INPP4B: variants seen among roughly 807,000 people sequenced by gnomAD.
INPP4B encodes inositol polyphosphate-4-phosphatase type II B.
INPP4B carries 55 observed loss-of-function variants against 122.5 expected under a neutral mutation model. That is an observed-to-expected ratio of 0.45 (90% confidence interval 0.36 to 0.56). The LOEUF is 0.56. Ranked by LOEUF, INPP4B falls within the 20% of genes least tolerant of loss-of-function variation. The pLI, the probability that INPP4B is intolerant of heterozygous loss-of-function variation, is 0.00. For missense variants in INPP4B, 1,000 were observed against 1,097.7 expected (o/e 0.91, Z 1.26); for synonymous variants, 403 against 388.7 (o/e 1.04, Z -0.43).
At chr4:142,579,322 G>A (rs2150192416) in intron 2 of INPP4B, among the ~76,000 whole-genome samples, 1 of 152,106 alleles carries the variant, frequency 6.6e-6, no homozygotes, top group African/African-American at 2.4e-5. Flanking sequence ...GCCTTTCAGA[G>A]TTAGAAATAT....
intron 14 of INPP4B, among the ~76,000 whole-genome samples, chr4:142,201,008 T>C (rs1840391218): frequency 6.6e-6 from 1 of 152,076 alleles, no homozygotes; most frequent in Admixed American, 6.6e-5. Context: ...GCATTCTGAT[T>C]CTAACCACTC....
At chr4:142,465,169 T>C (rs36011683) in intron 2 of INPP4B, among the ~76,000 whole-genome samples, 1 of 152,286 alleles carries the variant, frequency 6.6e-6, no homozygotes, top group Middle Eastern at 3.4e-3. Flanking sequence ...TGGATAACTG[T>C]GCAAGTCTAA....
At chr4:142,197,913 C>T (rs1839024521) in intron 14 of INPP4B, among the ~76,000 whole-genome samples, 1 of 152,034 alleles carries the variant, frequency 6.6e-6, no homozygotes, top group Admixed American at 6.6e-5. Context: ...ATTCACTAAA[C>T]AAAAAAACTT....
At chr4:142,267,944 T>G (rs1047743955) in intron 10 of INPP4B, among the ~76,000 whole-genome samples, 1 of 151,996 alleles carries the variant, frequency 6.6e-6, no homozygotes, top group Non-Finnish European at 1.5e-5. Flanking sequence ...TATTAAAAAA[T>G]GCTCATCATT....
intron 2 of INPP4B, among the ~76,000 whole-genome samples, chr4:142,477,639 A>G (rs1372373252): frequency 1.3e-5 from 2 of 152,112 alleles, no homozygotes; most frequent in Non-Finnish European, 2.9e-5. Flanking sequence ...CTCAGAGAAT[A>G]CTATGAAAAA....
At position 142,270,729 on chromosome 4, in the gene INPP4B, G is replaced by C. The variant is rs773102037; in HGVS notation, c.549C>G (p.Val183=). 3 of 1,613,750 alleles carry C rather than the reference G, an allele frequency of 1.9e-6. 1 individual carries two copies. The Admixed American group carries it at 5.0e-5, about 27-fold the overall frequency. The part of the protein sequence containing the change: ...GKVVGTIEVS[V]VKMGEIEDGE... The stretch of plus-strand genomic sequence containing the variant: ...CATCCTCAATCTCCCCCATCTTCAC[G>C]ACACTGACTTCTATGGTGCCAACCA... Residue 183 remains valine, a synonymous_variant, in exon 10 of 26, where the codon GTC becomes GTG. Coordinates refer to ENST00000262992, the MANE Select transcript of INPP4B (RefSeq NM_001101669.3).
chr4:142,726,918 C>G (rs1441158019), intron 1 of INPP4B, among the ~76,000 whole-genome samples: 1 of 152,052 alleles, frequency 6.6e-6, no homozygotes, highest in African/African-American at 2.4e-5. Context: ...AGCATAGTAC[C>G]AAGCTAAGCA....
chr4:142,726,866 C>T (rs1243697801), intron 1 of INPP4B, among the ~76,000 whole-genome samples: 1 of 151,992 alleles, frequency 6.6e-6, no homozygotes, highest in African/African-American at 2.4e-5. Flanking sequence ...TTTCCTATCC[C>T]CCATGGAGGT....
In INPP4B at chr4:142,725,864, A is replaced by G. The variant is rs1765284006; in HGVS notation, c.-216T>C. On this transcript the variant is annotated 5_prime_UTR_variant, in exon 2 of 26. Coordinates refer to ENST00000262992, the MANE Select transcript of INPP4B (RefSeq NM_001101669.3). ...CTTTGTCTAATTTTTCATAAAAGAC[A>G]GAAGACCTCTTGCCAGGTAACACCA... 2.5e-6 allele frequency: 1 copy of G among 397,982 alleles called. No individual in the cohort carries two copies. The highest frequency in any genetic ancestry group is 4.4e-6 in the Non-Finnish European group (1 of 225,730). 24.7% of individuals were successfully genotyped at this position (397,982 alleles called of 1,614,324 possible).
upstream of INPP4B, chr4:142,846,306 A>G (rs1024498411): frequency 1.3e-5 from 2 of 152,458 alleles, no homozygotes; most frequent in Admixed American, 1.3e-4. The surrounding 1 kb of genome is among the most constrained non-coding windows in gnomAD (Gnocchi z 5.1). Flanking sequence ...GTGCGCGCCC[A>G]GGAGGAGCTG....
intron 2 of INPP4B, among the ~76,000 whole-genome samples, chr4:142,591,659 GACAA>G (rs1737529309): frequency 6.6e-6 from 1 of 152,090 alleles, no homozygotes; most frequent in Non-Finnish European, 1.5e-5. Flanking sequence ...GGGAGGTCCT[GACAA>G]ACACTGTCTT....
intron 14 of INPP4B, among the ~76,000 whole-genome samples, chr4:142,203,712 C>A (rs904024352): frequency 1.6e-4 from 25 of 152,036 alleles, no homozygotes; most frequent in Admixed American, 1.5e-3. Context: ...TGCTCAGTTA[C>A]TTATTTCAAG....
chr4:142,754,582 A>G (rs1770221433), intron 1 of INPP4B, among the ~76,000 whole-genome samples: 1 of 151,916 alleles, frequency 6.6e-6, no homozygotes, highest in Admixed American at 6.6e-5. Context: ...ATTCTTTCCC[A>G]AATCAAAAAA....
chr4:142,799,476 T>G (rs1003525002), intron 1 of INPP4B, among the ~76,000 whole-genome samples: 1 of 151,944 alleles, frequency 6.6e-6, no homozygotes, highest in Admixed American at 6.6e-5. Context: ...ACAGCTAATA[T>G]TTTGCATTCT....
chr4:142,302,672 A>T (rs889681246), intron 9 of INPP4B, among the ~76,000 whole-genome samples: 1 of 152,170 alleles, frequency 6.6e-6, no homozygotes, highest in Non-Finnish European at 1.5e-5. Context: ...TTCTTATAAT[A>T]TTATCAAGTG....
At chr4:142,493,088 C>G (rs1017452599) in intron 2 of INPP4B, among the ~76,000 whole-genome samples, 40 of 152,158 alleles carry the variant, frequency 2.6e-4, no homozygotes, top group Non-Finnish European at 8.8e-5. Context: ...ATGCAAGCCC[C>G]AAGACTTGGT....
chr4:142,810,452 C>T (rs921626790), intron 1 of INPP4B, among the ~76,000 whole-genome samples: 5 of 152,124 alleles, frequency 3.3e-5, no homozygotes, highest in Non-Finnish European at 7.4e-5. Context: ...CTGAACTACA[C>T]CTTGATCCAT....
intron 12 of INPP4B, among the ~76,000 whole-genome samples, chr4:142,231,451 C>T (rs1854334109): frequency 6.6e-6 from 1 of 152,172 alleles, no homozygotes; most frequent in African/African-American, 2.4e-5. Context: ...TAATAATATA[C>T]TTTAATGTTA....
rs185694966 is a variant in INPP4B, at chr4:142,815,292, A to G, written c.-254+30917T>C. Among the ~76,000 whole-genome samples, 100 of 152,304 alleles carry G rather than the reference A, an allele frequency of 6.6e-4. No homozygotes were observed. The Middle Eastern group carries it at 0.017, about 26-fold the overall frequency. Reference sequence around the variant, plus strand: ...CGTGATGTACTGGCATTAGATAAAAACTAAAGAAATCTGAATAAAGGATAA... The same window carrying G: ...CGTGATGTACTGGCATTAGATAAAAGCTAAAGAAATCTGAATAAAGGATAA... On this transcript the variant is annotated intron_variant, in intron 1 of 25. Coordinates refer to ENST00000262992, the MANE Select transcript of INPP4B (RefSeq NM_001101669.3).
Sources: gnomAD v4.1 joint callset for allele counts (sites outside exome capture counted in the v4.1 genomes callset) on GRCh38, gnomAD v4.1.1 for gene constraint, Gnocchi (gnomAD v3.1) non-coding constraint, MANE v1.5 for transcripts, NCBI Gene and HGNC (gene_info 2026-07-23, HGNC 2026-07-21) for gene names.